The following PPP1R12B variants were observed in gnomAD, a reference collection of about 807,000 sequenced individuals.
The protein encoded by PPP1R12B is myosin phosphatase target subunit 2.
Under a neutral mutation model 126.1 loss-of-function variants are expected in PPP1R12B, and 76 were observed. The ratio of observed to expected loss-of-function variants is 0.60; its 90% CI spans 0.50 to 0.73. The LOEUF is 0.73. PPP1R12B is among the 30% of genes least tolerant of loss of function. The pLI, the probability that PPP1R12B is intolerant of heterozygous loss-of-function variation, is 0.00. For synonymous variants in PPP1R12B, 356 were observed against 434.7 expected (o/e 0.82, Z 2.25); for missense variants, 1,052 against 1,205.1 (o/e 0.87, Z 1.88).
rs1194205437 is a variant in PPP1R12B, at chr1:202,590,974, T to A, written c.*10414T>A. ...GCAGGTGGGATGGAGGAACTCCTGG[T>A]GCCCCATGCACACTGCTCCCATCAC... On this transcript the variant is annotated 3_prime_UTR_variant, in exon 24 of 24. Coordinates refer to ENST00000608999, the MANE Select transcript of PPP1R12B (RefSeq NM_002481.4). 1 of 152,262 alleles carries A rather than the reference T, an allele frequency of 6.6e-6. No homozygotes were observed. Among genetic ancestry groups the A allele is most frequent in the African/African-American group, 2.4e-5 (1 of 41,448 alleles). 9.4% of individuals were successfully genotyped at this position (152,262 alleles called of 1,614,324 possible).
At chr1:202,425,844 C>T in intron 4 of PPP1R12B, 119 bp downstream of exon 4, 1 of 939,184 alleles carries the variant, frequency 1.1e-6, no homozygotes, top group Non-Finnish European at 1.6e-6. Flanking sequence ...TTGGTTTCCT[C>T]TCTGATTGTG....
chr1:202,379,471 G>A (rs542317127), intron 1 of PPP1R12B, among the ~76,000 whole-genome samples: 3 of 152,220 alleles, frequency 2.0e-5, no homozygotes, highest in Non-Finnish European at 2.9e-5. Flanking sequence ...CATCTCCACC[G>A]TCTACTGAGT....
At position 202,459,796 on chromosome 1, in the gene PPP1R12B, G is replaced by A. The variant is rs563443432; in HGVS notation, c.1850+10625G>A. ...TCAGAATAAAGGTTTTGACTCAGGG[G>A]CCAGTCCACAGCTCAGAATGCAACA... On this transcript the variant is annotated intron_variant, in intron 13 of 23. Coordinates refer to ENST00000608999, the MANE Select transcript of PPP1R12B (RefSeq NM_002481.4). 3.5e-4 allele frequency among the ~76,000 whole-genome samples: 53 copies of A among 152,258 alleles called. 1 individual carries two copies. The South Asian group carries it at 6.4e-3, about 18-fold the overall frequency.
chr1:202,543,103 G>C (rs1438592805), intron 18 of PPP1R12B, among the ~76,000 whole-genome samples: 1 of 151,944 alleles, frequency 6.6e-6, no homozygotes, highest in Non-Finnish European at 1.5e-5. Context: ...CACATGGAGA[G>C]AATATTTTGG....
In PPP1R12B at chr1:202,419,184, A is replaced by C. The variant is rs1668461590; in HGVS notation, c.422+2267A>C. ...TGTTTTTACATTTTTTTTATGAATAAATGTTTCACTTAGAAGCAGCAGATT... is the reference window on the plus strand; with the variant it reads ...TGTTTTTACATTTTTTTTATGAATACATGTTTCACTTAGAAGCAGCAGATT... On this transcript the variant is annotated intron_variant, in intron 2 of 23. Transcript: ENST00000608999. The surrounding 1 kb of genome is among the most constrained non-coding windows in gnomAD (Gnocchi z 4.6). 6.6e-6 allele frequency among the ~76,000 whole-genome samples: 1 copy of C among 152,142 alleles called. No homozygotes were observed. Among genetic ancestry groups the C allele is most frequent in the African/African-American group, 2.4e-5 (1 of 41,436 alleles).
chr1:202,478,322 C>G (rs1036473234), intron 13 of PPP1R12B, among the ~76,000 whole-genome samples: 5 of 152,128 alleles, frequency 3.3e-5, no homozygotes, highest in Admixed American at 3.3e-4. Context: ...ACCAGCTGGT[C>G]TAGATTTTAG....
At chr1:202,383,237 C>T (rs373566088) in intron 1 of PPP1R12B, among the ~76,000 whole-genome samples, 7 of 152,288 alleles carry the variant, frequency 4.6e-5, no homozygotes, top group African/African-American at 1.7e-4. Flanking sequence ...TAACTGTGCC[C>T]AGCTGACCAA....
chr1:202,418,710 C>G (rs891549396), intron 2 of PPP1R12B, among the ~76,000 whole-genome samples: 3 of 152,084 alleles, frequency 2.0e-5, no homozygotes, highest in African/African-American at 7.2e-5. Context: ...GGTGAGATGG[C>G]CTTCTTTATT....
At chr1:202,457,118 A>G (rs907421855) in intron 13 of PPP1R12B, among the ~76,000 whole-genome samples, 5 of 152,236 alleles carry the variant, frequency 3.3e-5, no homozygotes, top group Non-Finnish European at 2.9e-5. Context: ...TTTTTAAAGT[A>G]TAAGATTTTG....
intron 1 of PPP1R12B, among the ~76,000 whole-genome samples, chr1:202,405,539 A>T (rs778991655): frequency 6.6e-6 from 1 of 152,228 alleles, no homozygotes; most frequent in Non-Finnish European, 1.5e-5. Flanking sequence ...AACACGTAAC[A>T]TTTAACTGTG....
intron 18 of PPP1R12B, among the ~76,000 whole-genome samples, chr1:202,507,029 T>G (rs1680888534): frequency 6.6e-6 from 1 of 152,246 alleles, no homozygotes; most frequent in South Asian, 2.1e-4. Flanking sequence ...CAGTCATAGA[T>G]GAAAACCTAT....
intron 18 of PPP1R12B, among the ~76,000 whole-genome samples, chr1:202,556,353 G>C (rs542416464): frequency 1.3e-5 from 2 of 152,126 alleles, no homozygotes; most frequent in South Asian, 2.1e-4. Flanking sequence ...ATCAGGTCTA[G>C]CCAAGGCCAT....
chr1:202,456,331 G>A (rs1331931640), intron 13 of PPP1R12B, among the ~76,000 whole-genome samples: 1 of 152,084 alleles, frequency 6.6e-6, no homozygotes, highest in Non-Finnish European at 1.5e-5. Context: ...ATACGTTTAG[G>A]AGGATAATTC....
At chr1:202,385,278 G>C (rs918965827) in intron 1 of PPP1R12B, among the ~76,000 whole-genome samples, 1 of 152,150 alleles carries the variant, frequency 6.6e-6, no homozygotes, top group African/African-American at 2.4e-5. Context: ...TATTTAGACT[G>C]TTTACATCTT....
At chr1:202,354,976 C>T (rs921747830) in intron 1 of PPP1R12B, among the ~76,000 whole-genome samples, 1 of 152,208 alleles carries the variant, frequency 6.6e-6, no homozygotes, top group Middle Eastern at 3.4e-3. Flanking sequence ...CAGGTGCCTG[C>T]CACCATGCGC....
chr1:202,512,923 T>G (rs1558319041), intron 18 of PPP1R12B, among the ~76,000 whole-genome samples: 1 of 152,164 alleles, frequency 6.6e-6, no homozygotes, highest in Non-Finnish European at 1.5e-5. Context: ...TTATCTTTAA[T>G]ATGGAGTGGT....
chr1:202,465,993 C>G (rs1292393862), intron 13 of PPP1R12B, among the ~76,000 whole-genome samples: 1 of 152,176 alleles, frequency 6.6e-6, no homozygotes, highest in Non-Finnish European at 1.5e-5. Context: ...CATTGGGAAG[C>G]AAAACTGCAA....
intron 1 of PPP1R12B, among the ~76,000 whole-genome samples, chr1:202,350,402 A>G (rs1038439564): frequency 8.5e-5 from 13 of 152,166 alleles, no homozygotes; most frequent in African/African-American, 3.1e-4. Context: ...CATTTTACAG[A>G]TGAGGAAACT....
intron 9 of PPP1R12B, among the ~76,000 whole-genome samples, 171 bp from the exon 10 acceptor site, chr1:202,437,650 C>T (rs527906244): frequency 6.0e-4 from 91 of 152,278 alleles, no homozygotes; most frequent in African/African-American, 2.0e-3. Flanking sequence ...AGGTTATTAG[C>T]TTTTGCTGGG....
Sources: gnomAD v4.1 joint callset for allele counts (sites outside exome capture counted in the v4.1 genomes callset) on GRCh38, gnomAD v4.1.1 for gene constraint, Gnocchi (gnomAD v3.1) non-coding constraint, MANE v1.5 for transcripts, NCBI Gene and HGNC (gene_info 2026-07-23, HGNC 2026-07-21) for gene names.